Variants in RPE65 observed in about 807,000 individuals in gnomAD.
The protein encoded by RPE65 is retinoid isomerohydrolase RPE65.
RPE65 carries 58 observed loss-of-function variants against 68.5 expected under a neutral mutation model. That is an observed-to-expected ratio of 0.85 (90% CI 0.69 to 1.05). The LOEUF is 1.05. RPE65 is among the 50% of genes least tolerant of loss of function. The pLI is 0.00. For synonymous variants in RPE65, 220 were observed against 222.2 expected (o/e 0.99, Z 0.09); for missense variants, 643 against 629.9 (o/e 1.02, Z -0.22).
At chr1:68,436,578 C>T (rs1400060695) in intron 10 of RPE65, among the ~76,000 whole-genome samples, 1 of 151,952 alleles carries the variant, frequency 6.6e-6, no homozygotes, top group Non-Finnish European at 1.5e-5. Context: ...AAGCGATTCT[C>T]TTGCTTCAGC....
intron 1 of RPE65, among the ~76,000 whole-genome samples, chr1:68,449,483 G>T (rs1328174758): frequency 6.6e-6 from 1 of 152,122 alleles, no homozygotes; most frequent in Non-Finnish European, 1.5e-5. Flanking sequence ...ACCATAAAAA[G>T]AACTTTGCAT....
At chr1:68,447,254 T>G (rs3118423) in intron 2 of RPE65, among the ~76,000 whole-genome samples, 28,623 of 152,100 alleles carry the variant, frequency 0.19, 3,382 homozygotes, top group African/African-American at 0.33. Flanking sequence ...GGAGTAGAAG[T>G]ATGGATTAAG....
Position 68,444,601 on chromosome 1 carries a change from T to C in RPE65, c.425A>G (p.Asp142Gly), listed in dbSNP as rs1645928017. The C allele has an allele frequency of 6.2e-7, 1 of 1,614,202 alleles. No homozygotes were observed. Among genetic ancestry groups the C allele is most frequent in the Non-Finnish European group, 8.5e-7 (1 of 1,180,030 alleles). ...GTTGGTCTCTGTGCAAGCGTAGTAA[T>C]CTTCCCCCACTGGGTAGACATTAAC... The part of the protein sequence containing the change: ...ALVNVYPVGE[D>G]YYACTETNFI... Residue 142 changes from aspartate (D) to glycine (G), a missense_variant, in exon 5 of 14, where the codon GAT becomes GGT. Coordinates refer to ENST00000262340, the MANE Select transcript of RPE65 (RefSeq NM_000329.3).
rs72926953 is a variant in RPE65, at chr1:68,431,069, A to G, written c.1446T>C (p.Asp482=). The change falls in exon 13 of 14, where the codon GAT becomes GAC. Residue 482 remains aspartate (D), a synonymous_variant. Coordinates refer to ENST00000262340, the MANE Select transcript of RPE65 (RefSeq NM_000329.3). ...CACAACAATTGCTTTCATTACCATC[A>G]TCTTCTTCCAAGGCATCTGGGTGAG... The part of the protein sequence containing the change: ...FVSHPDALEE[D]DGVVLSVVVS... 68 of 1,612,936 alleles carry G rather than the reference A, an allele frequency of 4.2e-5. No homozygotes were observed. In the African/African-American group the frequency reaches 6.8e-4, roughly 16 times the overall value.
chr1:68,438,842 GT>G, intron 9 of RPE65, 99 bp downstream of exon 9: 1 of 1,451,392 alleles, frequency 6.9e-7, no homozygotes, highest in Non-Finnish European at 9.7e-7. Context: ...AACTCTTGCT[GT>G]TTTAGATGTG....
In RPE65 at chr1:68,446,243, A is replaced by T. The variant is rs532814587; in HGVS notation, c.245+467T>A. ...CTTTCCCAGTGGCCTTTCCAATTTT[A>T]TAAAAAGAAAAAGGAATCAAGATGG... is the stretch of plus-strand genomic sequence containing the variant. On this transcript the variant is annotated intron_variant, in intron 3 of 13. Transcript: ENST00000262340. Among the ~76,000 whole-genome samples the T allele has an allele frequency of 1.8e-3, 273 of 152,142 alleles. 2 individuals carry two copies. The highest frequency in any genetic ancestry group is 6.2e-3 in the African/African-American group (258 of 41,504).
chr1:68,430,640 C>A (rs979242825), intron 13 of RPE65, among the ~76,000 whole-genome samples: 5 of 152,142 alleles, frequency 3.3e-5, no homozygotes, highest in Admixed American at 2.0e-4. Flanking sequence ...CCCTAGCTTA[C>A]CGAAAGAACA....
At chr1:68,435,636 T>C (rs1003145935) in intron 10 of RPE65, among the ~76,000 whole-genome samples, 2 of 152,204 alleles carry the variant, frequency 1.3e-5, no homozygotes, top group African/African-American at 4.8e-5. Context: ...TATCTCCCTC[T>C]CCACCTATCT....
intron 10 of RPE65, among the ~76,000 whole-genome samples, chr1:68,434,179 G>A (rs1246827021): frequency 6.6e-6 from 1 of 150,570 alleles, no homozygotes; most frequent in Non-Finnish European, 1.5e-5. Flanking sequence ...AAAATGAGAT[G>A]AAAACTTAGG....
intron 13 of RPE65, 33 bp downstream of exon 13, chr1:68,431,032 A>C (rs1645822080): frequency 1.3e-6 from 2 of 1,536,662 alleles, no homozygotes; most frequent in Non-Finnish European, 1.8e-6. Flanking sequence ...TGCAGTAAGA[A>C]GAGTATTCAG....
At chr1:68,430,859 A>AT (rs1050299000) in intron 13 of RPE65, among the ~76,000 whole-genome samples, 2 of 152,026 alleles carry the variant, frequency 1.3e-5, no homozygotes, top group African/African-American at 2.4e-5. Flanking sequence ...GTGCTTTGAC[A>AT]TTTTTTTCTA....
At chr1:68,449,261 A>G (rs3125906) in intron 1 of RPE65, among the ~76,000 whole-genome samples, 17,142 of 151,996 alleles carry the variant, frequency 0.11, 1,078 homozygotes, top group African/African-American at 0.18. Flanking sequence ...ATATTATACC[A>G]TAATTTTTTC....
intron 5 of RPE65, among the ~76,000 whole-genome samples, 163 bp from the exon 6 acceptor site, chr1:68,441,163 C>T (rs769985648): frequency 3.3e-5 from 5 of 152,142 alleles, no homozygotes; most frequent in African/African-American, 4.8e-5. Context: ...TGAGTTCCCA[C>T]CTTCATGCAG....
rs781070470 is a variant in RPE65 at position 68,431,581 on chromosome 1, T to A, written c.1133A>T (p.Asp378Val). The change falls in exon 11 of 14, where the codon GAC (aspartate) becomes GTC (valine). Residue 378 changes from aspartate to valine, a missense_variant. Coordinates refer to ENST00000262340, the MANE Select transcript of RPE65 (RefSeq NM_000329.3). ...YVLPLNIDKA[D>V]TGKNLVTLPN... ...GAGCGTGACTAAATTCTTGCCTGTGTCAGCCTAGGAGAGAAGATAACAGAA... is the reference window on the plus strand; with the variant it reads ...GAGCGTGACTAAATTCTTGCCTGTGACAGCCTAGGAGAGAAGATAACAGAA... 1 of 1,613,146 alleles carries A rather than the reference T, an allele frequency of 6.2e-7. No homozygotes were observed. The highest frequency in any genetic ancestry group is 8.5e-7 in the Non-Finnish European group (1 of 1,179,270).
In RPE65 at chr1:68,431,737, C is replaced by T. The variant is rs17130685; in HGVS notation, c.1129-152G>A. The T allele has an allele frequency of 2.8e-3, 2,007 of 704,738 alleles. 24 individuals are homozygous for T. The African/African-American group carries it at 0.032, about 11-fold the overall frequency. The allele number at this position is 704,738 out of a possible 1,614,324, so 43.7% of individuals were successfully genotyped here. A position where few individuals can be genotyped will look rare whatever the true frequency, so the allele number is the denominator to read the frequency against. ...GCTATAGATGAGGGACCCTGGGACG[C>T]GACTGGGCAAGCTATCTGTGCCTGT... is the stretch of plus-strand genomic sequence containing the variant. On this transcript the variant is annotated intron_variant, in intron 10 of 13. Coordinates refer to ENST00000262340, the MANE Select transcript of RPE65 (RefSeq NM_000329.3).
chr1:68,448,789 G>T, intron 1 of RPE65, 83 bp from the exon 2 acceptor site: 1 of 1,036,294 alleles, frequency 9.6e-7, no homozygotes. Context: ...AGGAGAGAAG[G>T]CACTCTAGGG....
At position 68,431,134 on chromosome 1, in the gene RPE65, G is replaced by A. The variant is rs780061944; in HGVS notation, c.1381C>T (p.Gln461Ter). 6.2e-7 allele frequency: 1 copy of A among 1,613,778 alleles called. No individual in the cohort carries two copies. The highest frequency in any genetic ancestry group is 1.1e-5 in the South Asian group (1 of 91,068). The change falls in exon 13 of 14, where the codon CAA becomes TAA. Residue 461 changes from glutamine to a stop codon, truncating the protein, a stop_gained. Coordinates refer to ENST00000262340, the MANE Select transcript of RPE65 (RefSeq NM_000329.3). LOFTEE classifies it high-confidence loss of function. ...NVKTKETWVWQEPDSYPSEPI... is the reference protein window; with the variant it reads ...NVKTKETWVW The stretch of plus-strand genomic sequence containing the variant: ...TCTGATGGGTATGAATCAGGCTCTT[G>A]CCAAACCCAAGTTTCTTTAGTTTTG...
At chr1:68,436,057 T>C (rs771955516) in intron 10 of RPE65, among the ~76,000 whole-genome samples, 1 of 152,256 alleles carries the variant, frequency 6.6e-6, no homozygotes, top group Non-Finnish European at 1.5e-5. Flanking sequence ...CAGGCCGTGA[T>C]AACCATACAG....
chr1:68,434,159 AT>A (rs1390987158), intron 10 of RPE65, among the ~76,000 whole-genome samples: 1 of 151,432 alleles, frequency 6.6e-6, no homozygotes. Flanking sequence ...ACTTGGCTAT[AT>A]GATTAGATAA....
Sources: gnomAD v4.1 joint callset for allele counts (sites outside exome capture counted in the v4.1 genomes callset) on GRCh38, gnomAD v4.1.1 for gene constraint, MANE v1.5 for transcripts, NCBI Gene and HGNC (gene_info 2026-07-23, HGNC 2026-07-21) for gene names.